ABHD6: variants seen among roughly 807,000 people sequenced by gnomAD.
The protein encoded by ABHD6 is monoacylglycerol lipase ABHD6.
A neutral mutation model predicts 38.8 loss-of-function variants in ABHD6; 33 were observed. The observed-to-expected ratio is 0.85, with a 90% CI of 0.64 to 1.14. The LOEUF (loss-of-function observed/expected upper bound fraction) is 1.14. Among genes scored for constraint, ABHD6 ranks in the 50% most tolerant of loss-of-function variants. The pLI, the probability that ABHD6 is intolerant of heterozygous loss-of-function variation, is 0.00. For missense variants in ABHD6, 380 were observed against 422.6 expected, an observed-to-expected ratio of 0.90 and a Z score of 0.88; for synonymous variants, 147 against 161.6, an observed-to-expected ratio of 0.91 and a Z score of 0.69.
At chr3:58,241,008 A>G (rs1371675494) in intron 1 of ABHD6, among the ~76,000 whole-genome samples, 1 of 152,066 alleles carries the variant, frequency 6.6e-6, no homozygotes, top group Non-Finnish European at 1.5e-5. Context: ...GGGATTGCAG[A>G]TGTGAGCCAC....
Position 58,281,100 on chromosome 3 carries a change from T to C in ABHD6, c.682-3985T>C, listed in dbSNP as rs368510917. On this transcript the variant is annotated intron_variant, in intron 7 of 9. Coordinates refer to ENST00000478253, the MANE Select transcript of ABHD6 (RefSeq NM_001320126.2). ...TCTGTCTGTCTCAGAGCTCAAATGC[T>C]GTGCTGGGAGAACAACTGCTCTCTT... 2.8e-4 allele frequency among the ~76,000 whole-genome samples: 42 copies of C among 152,348 alleles called. No homozygotes were observed. The South Asian group carries it at 3.7e-3, about 14-fold the overall frequency.
intron 6 of ABHD6, 84 bp from the exon 7 acceptor site, chr3:58,274,574 G>A (rs1371987613): frequency 2.1e-5 from 30 of 1,398,876 alleles, no homozygotes; most frequent in Non-Finnish European, 2.7e-5. Context: ...TTAACTCTGG[G>A]CTGCTGTCAG....
chr3:58,284,866 A>G (rs889641576), intron 7 of ABHD6, among the ~76,000 whole-genome samples: 2 of 152,066 alleles, frequency 1.3e-5, no homozygotes, highest in Non-Finnish European at 2.9e-5. Context: ...ATATTACCCA[A>G]GTTCCTTTAT....
chr3:58,264,918 C>G (rs769592466), intron 3 of ABHD6, among the ~76,000 whole-genome samples: 3 of 152,130 alleles, frequency 2.0e-5, no homozygotes, highest in Non-Finnish European at 4.4e-5. Flanking sequence ...CAGTTACACT[C>G]TTCAAGTTAT....
chr3:58,278,281 C>T (rs1351396379), intron 7 of ABHD6, among the ~76,000 whole-genome samples: 2 of 152,136 alleles, frequency 1.3e-5, no homozygotes, highest in African/African-American at 4.8e-5. Flanking sequence ...ATTTCAGAGC[C>T]TGTTATTAGT....
At chr3:58,282,133 A>G (rs999851761) in intron 7 of ABHD6, among the ~76,000 whole-genome samples, 2 of 152,160 alleles carry the variant, frequency 1.3e-5, no homozygotes, top group African/African-American at 4.8e-5. Flanking sequence ...GTATTAGGAA[A>G]GTAGTTTGAC....
chr3:58,255,481 A>G (rs1318855094), intron 2 of ABHD6, among the ~76,000 whole-genome samples: 29 of 82,966 alleles, frequency 3.5e-4, no homozygotes, highest in Non-Finnish European at 5.6e-4. Context: ...TTTTTTTTTT[A>G]AAGGTTCTCA....
At position 58,269,243 on chromosome 3, in the gene ABHD6, A is replaced by T; in HGVS notation, c.277-78A>T. On this transcript the variant is annotated intron_variant, in intron 4 of 9. Coordinates refer to ENST00000478253, the MANE Select transcript of ABHD6 (RefSeq NM_001320126.2). The surrounding 1 kb of genome is among the most constrained non-coding windows in gnomAD (Gnocchi z 4.4). ...GGGATGGCTGTCTGGGTCACTGTAC[A>T]TGGGGCAACCTCCCAAGAAAATGGG... The T allele has an allele frequency of 9.2e-7, 1 of 1,083,718 alleles. No individual in the cohort carries two copies. Among genetic ancestry groups the T allele is most frequent in the East Asian group, 2.5e-5 (1 of 40,010 alleles). 67.1% of individuals were successfully genotyped at this position (1,083,718 alleles called of 1,614,324 possible).
intron 1 of ABHD6, among the ~76,000 whole-genome samples, chr3:58,247,551 T>A (rs990757937): frequency 2.0e-5 from 3 of 152,144 alleles, no homozygotes; most frequent in African/African-American, 7.2e-5. Flanking sequence ...GAGGAGTTTG[T>A]ATTGTAGTTA....
rs573724660 is a variant in ABHD6, at chr3:58,262,938, T to G, written c.120-4251T>G. Among the ~76,000 whole-genome samples, 272 of 152,188 alleles carry G rather than the reference T, an allele frequency of 1.8e-3. 3 individuals are homozygous for G. Among genetic ancestry groups the G allele is most frequent in the Non-Finnish European group, 2.2e-3 (151 of 67,992 alleles). Reference sequence around the variant, plus strand: ...AATACAAAAATTAGAGGCTAGGCGTTGTGGCCCACGCCTGTAATCCCAGCA... The same window carrying G: ...AATACAAAAATTAGAGGCTAGGCGTGGTGGCCCACGCCTGTAATCCCAGCA... On this transcript the variant is annotated intron_variant, in intron 3 of 9. Coordinates refer to ENST00000478253, the MANE Select transcript of ABHD6 (RefSeq NM_001320126.2).
intron 7 of ABHD6, among the ~76,000 whole-genome samples, chr3:58,284,747 G>T (rs549036231): frequency 1.8e-4 from 27 of 152,102 alleles, no homozygotes; most frequent in African/African-American, 6.3e-4. Flanking sequence ...CACCATGCCC[G>T]GCCCATCCTG....
Position 58,285,493 on chromosome 3 carries a change from A to C in ABHD6, c.837+40A>C, listed in dbSNP as rs991015449. 1 of 1,539,574 alleles carries C rather than the reference A, an allele frequency of 6.5e-7. No homozygotes were observed. The highest frequency in any genetic ancestry group is 9.0e-7 in the Non-Finnish European group (1 of 1,112,380). ...CCCGCGGCAGTCTGTGCTGGTCACC[A>C]GGGCCTCTGAGGAAAAACGTCCTTG... On this transcript the variant is annotated intron_variant, in intron 9 of 9. Coordinates refer to ENST00000478253, the MANE Select transcript of ABHD6 (RefSeq NM_001320126.2). This position sits in a 1 kb window ranked among gnomAD's most constrained non-coding sequence, Gnocchi z 4.9.
rs979132625 is a variant in ABHD6, at chr3:58,263,330, C to T, written c.120-3859C>T. ...ACTTGAACCCGGGAGGTGGAGGTTG[C>T]AGTGAACTGAGATTGCGCCACTGCA... On this transcript the variant is annotated intron_variant, in intron 3 of 9. Coordinates refer to ENST00000478253, the MANE Select transcript of ABHD6 (RefSeq NM_001320126.2). This position sits in a 1 kb window ranked among gnomAD's most constrained non-coding sequence, Gnocchi z 4.9. Among the ~76,000 whole-genome samples, 2 of 150,484 alleles carry T rather than the reference C, an allele frequency of 1.3e-5. No homozygotes were observed. The highest frequency in any genetic ancestry group is 4.9e-5 in the African/African-American group (2 of 40,778).
At chr3:58,282,988 C>G (rs1300448951) in intron 7 of ABHD6, among the ~76,000 whole-genome samples, 3 of 152,110 alleles carry the variant, frequency 2.0e-5, no homozygotes, top group Non-Finnish European at 4.4e-5. Flanking sequence ...TGTGAAGAAC[C>G]AAGAGAGGAG....
intron 7 of ABHD6, 104 bp from the exon 8 acceptor site, chr3:58,284,981 C>A: frequency 9.7e-7 from 1 of 1,032,832 alleles, no homozygotes. Context: ...CTTGACAGTG[C>A]AATAAATTGC....
At chr3:58,271,764 C>CTTTTT (rs1302501356) in intron 6 of ABHD6, among the ~76,000 whole-genome samples, 153 of 77,964 alleles carry the variant, frequency 2.0e-3, no homozygotes, top group East Asian at 0.013. Flanking sequence ...CCCCCTCTCT[C>CTTTTT]TGTTTTTTTT....
chr3:58,279,292 G>T (rs962308470), intron 7 of ABHD6, among the ~76,000 whole-genome samples: 12 of 152,130 alleles, frequency 7.9e-5, no homozygotes, highest in Admixed American at 2.0e-4. Flanking sequence ...CTCCTGTATT[G>T]GGTGCATATA....
At position 58,285,185 on chromosome 3, in the gene ABHD6, C is replaced by T; in HGVS notation, c.736+46C>T. On this transcript the variant is annotated intron_variant, in intron 8 of 9. Coordinates refer to ENST00000478253, the MANE Select transcript of ABHD6 (RefSeq NM_001320126.2). This position sits in a 1 kb window ranked among gnomAD's most constrained non-coding sequence, Gnocchi z 4.9. ...CTTGGAGCTTGTTACAAGTGAAGCT[C>T]TGTGGATGGATGGCTTTTATTTCTT... The T allele has an allele frequency of 6.3e-7, 1 of 1,587,822 alleles. No homozygotes were observed. Among genetic ancestry groups the T allele is most frequent in the Non-Finnish European group, 8.6e-7 (1 of 1,156,142 alleles).
At position 58,273,440 on chromosome 3, in the gene ABHD6, G is replaced by T. The variant is rs1301737839; in HGVS notation, c.524-1218G>T. On this transcript the variant is annotated intron_variant, in intron 6 of 9. Transcript: ENST00000478253. The surrounding 1 kb of genome is among the most constrained non-coding windows in gnomAD (Gnocchi z 4.8). ...AACATTCACACATATGTTTATTGCA[G>T]CACTATTTACGATAGCAAAGACTTG... Among the ~76,000 whole-genome samples, 4 of 152,032 alleles carry T rather than the reference G, an allele frequency of 2.6e-5. No homozygotes were observed. Among genetic ancestry groups the T allele is most frequent in the African/African-American group, 9.7e-5 (4 of 41,382 alleles).
Sources: gnomAD v4.1 joint callset for allele counts (sites outside exome capture counted in the v4.1 genomes callset) on GRCh38, gnomAD v4.1.1 for gene constraint, Gnocchi (gnomAD v3.1) non-coding constraint, MANE v1.5 for transcripts, NCBI Gene and HGNC (gene_info 2026-07-23, HGNC 2026-07-21) for gene names.